Variants in PLXNA2 observed in about 807,000 individuals in gnomAD.
PLXNA2 encodes the protein plexin-A2.
PLXNA2 carries 91 observed loss-of-function variants against 193.5 expected under a neutral mutation model. The observed-to-expected ratio is 0.47, with a 90% CI of 0.40 to 0.56. PLXNA2 has a LOEUF of 0.56. Ranked by LOEUF, PLXNA2 falls within the 20% of genes least tolerant of loss-of-function variation. The probability of loss-of-function intolerance (pLI) is 0.00; values close to 1 mark genes in which losing one functional copy is unlikely to be tolerated. For missense variants in PLXNA2, 1,995 were observed against 2,503.2 expected (o/e 0.80, Z 4.33); for synonymous variants, 997 against 1,027.3 (o/e 0.97, Z 0.56).
intron 4 of PLXNA2, among the ~76,000 whole-genome samples, chr1:208,132,059 G>A (rs937202210): frequency 6.6e-6 from 1 of 152,198 alleles, no homozygotes; most frequent in African/African-American, 2.4e-5. Flanking sequence ...TTGGCTGGCT[G>A]CGCAGGAGAA....
In PLXNA2 at chr1:208,237,144, A is replaced by G. The variant is rs1464493176; in HGVS notation, c.-81+6499T>C. Among the ~76,000 whole-genome samples the G allele has an allele frequency of 2.0e-5, 3 of 152,116 alleles. No individual in the cohort carries two copies. In the East Asian group the frequency reaches 5.8e-4, roughly 29 times the overall value. On this transcript the variant is annotated intron_variant, in intron 1 of 31. Coordinates refer to ENST00000367033, the MANE Select transcript of PLXNA2 (RefSeq NM_025179.4). ...TTGAGTTGAAATCTTCATCCTCCTA[A>G]CCTTTCTCTATTAGTATCCCTCTAC...
intron 1 of PLXNA2, among the ~76,000 whole-genome samples, chr1:208,234,937 A>G (rs762033080): frequency 5.3e-5 from 8 of 152,172 alleles, no homozygotes; most frequent in Non-Finnish European, 7.4e-5. Flanking sequence ...CACATCCACT[A>G]TGTGGGCCTG....
chr1:208,089,441 T>C (rs10863694), intron 9 of PLXNA2, among the ~76,000 whole-genome samples: 36,456 of 152,196 alleles, frequency 0.24, 4,721 homozygotes, highest in Admixed American at 0.33. Flanking sequence ...CCGAAATTTT[T>C]AGCATTCTGG....
At position 208,080,157 on chromosome 1, in the gene PLXNA2, T is replaced by C. The variant is rs139651225; in HGVS notation, c.2396-707A>G. On this transcript the variant is annotated intron_variant, in intron 11 of 31. Transcript: ENST00000367033. ...GCATGGGTTTGAGACGGGAGTCAGC[T>C]TGGGGTTAAAGAAAGGCCAGGTGGC... 4.7e-4 allele frequency among the ~76,000 whole-genome samples: 71 copies of C among 152,192 alleles called. 1 individual carries two copies. The highest frequency in any genetic ancestry group is 1.6e-3 in the African/African-American group (67 of 41,530).
intron 3 of PLXNA2, among the ~76,000 whole-genome samples, chr1:208,151,637 T>C (rs562724161): frequency 6.6e-6 from 1 of 152,364 alleles, no homozygotes; most frequent in East Asian, 1.9e-4. Flanking sequence ...AACACATTTA[T>C]TGAGCATCTA....
intron 29 of PLXNA2, chr1:208,031,163 T>A: frequency 9.9e-7 from 1 of 1,005,914 alleles, no homozygotes; most frequent in Non-Finnish European, 1.2e-6. Context: ...GGATTCCCCA[T>A]CTCAGGAAGT....
chr1:208,231,212 T>G (rs1671681739), intron 1 of PLXNA2, among the ~76,000 whole-genome samples: 1 of 151,694 alleles, frequency 6.6e-6, no homozygotes, highest in Non-Finnish European at 1.5e-5. Context: ...AGGGTGGGAA[T>G]GGCAGGCCGG....
At chr1:208,181,744 A>T (rs186047855) in intron 3 of PLXNA2, among the ~76,000 whole-genome samples, 1 of 152,332 alleles carries the variant, frequency 6.6e-6, no homozygotes, top group East Asian at 1.9e-4. Flanking sequence ...GCCCGAGTTC[A>T]CTGTGAAGGT....
At position 208,216,988 on chromosome 1, in the gene PLXNA2, G is replaced by C. The variant is rs916696823; in HGVS notation, c.935C>G (p.Ala312Gly). ...RAGVEYRLLQ[A>G]AYLAKPGDSL... is the part of the protein sequence containing the mutation. Reference sequence around the variant, plus strand: ...GTCCCCAGGCTTGGCCAGGTAAGCAGCCTGCAGGAGGCGGTATTCCACCCC... The same window carrying C: ...GTCCCCAGGCTTGGCCAGGTAAGCACCCTGCAGGAGGCGGTATTCCACCCC... Residue 312 changes from alanine to glycine, a missense_variant, in exon 2 of 32, where the codon GCT becomes GGT. Ala to Gly is a moderately conservative substitution (Grantham distance 60). Coordinates refer to ENST00000367033, the MANE Select transcript of PLXNA2 (RefSeq NM_025179.4). 6.2e-7 allele frequency: 1 copy of C among 1,612,468 alleles called. No homozygotes were observed. Among genetic ancestry groups the C allele is most frequent in the African/African-American group, 1.3e-5 (1 of 74,906 alleles).
rs150352478 is a variant in PLXNA2 at position 208,092,123 on chromosome 1, A to C, written c.2097+663T>G. Among the ~76,000 whole-genome samples, 35 of 152,364 alleles carry C rather than the reference A, an allele frequency of 2.3e-4. 1 individual carries two copies. In the East Asian group the frequency reaches 6.4e-3, roughly 28 times the overall value. On this transcript the variant is annotated intron_variant, in intron 9 of 31. Transcript: ENST00000367033. ...ACATGCTATGAATATATAAGAAAGTAGACTTCAGTGAATAACCATTGAATG... is the reference window on the plus strand; with the variant it reads ...ACATGCTATGAATATATAAGAAAGTCGACTTCAGTGAATAACCATTGAATG...
rs2102355616 is a variant in PLXNA2 at position 208,026,699 on chromosome 1, C to G, written c.*544G>C. On this transcript the variant is annotated 3_prime_UTR_variant, in exon 32 of 32. Transcript: ENST00000367033. ...TCAAGGAAAAGGAGACAGTCATTTT[C>G]TCTCCAATGTCTCTCAGCATCTCTG... The G allele has an allele frequency of 7.1e-6, 1 of 141,268 alleles. No homozygotes were observed. The highest frequency in any genetic ancestry group is 1.5e-5 in the Non-Finnish European group (1 of 66,142). The allele number at this position is 141,268 out of a possible 1,614,324, so 8.8% of individuals were successfully genotyped here.
chr1:208,241,112 T>C (rs188730355), intron 1 of PLXNA2, among the ~76,000 whole-genome samples: 148 of 152,332 alleles, frequency 9.7e-4, no homozygotes, highest in South Asian at 2.5e-3. Context: ...TCCCCTCCTG[T>C]TCCTATGTTT....
At chr1:208,125,549 G>A (rs896834694) in intron 4 of PLXNA2, among the ~76,000 whole-genome samples, 3 of 152,178 alleles carry the variant, frequency 2.0e-5, no homozygotes, top group Non-Finnish European at 1.5e-5. Flanking sequence ...ATCTGGGCAT[G>A]CTCCAATTTG....
chr1:208,106,002 C>T (rs1381405692), intron 4 of PLXNA2, among the ~76,000 whole-genome samples: 1 of 152,056 alleles, frequency 6.6e-6, no homozygotes, highest in Admixed American at 6.5e-5. Flanking sequence ...ATAGTGAAAC[C>T]CTGTTCTTCT....
chr1:208,040,160 G>A lies in PLXNA2; in HGVS notation c.4287-102C>T, dbSNP rs999813820. 29 of 907,744 alleles carry A rather than the reference G, an allele frequency of 3.2e-5. 1 individual carries two copies. The highest frequency in any genetic ancestry group is 9.5e-5 in the Admixed American group (5 of 52,396). The allele number at this position is 907,744 out of a possible 1,614,324, so 56.2% of individuals were successfully genotyped here. ...TCTCCCAAGAGAACAATGGAGCATGGGAGAACGCAGGGCGGGAGTCAGGAC... is the reference window on the plus strand; with the variant it reads ...TCTCCCAAGAGAACAATGGAGCATGAGAGAACGCAGGGCGGGAGTCAGGAC... On this transcript the variant is annotated intron_variant, in intron 22 of 31. Coordinates refer to ENST00000367033, the MANE Select transcript of PLXNA2 (RefSeq NM_025179.4).
At chr1:208,122,097 A>T (rs1667824333) in intron 4 of PLXNA2, among the ~76,000 whole-genome samples, 1 of 152,208 alleles carries the variant, frequency 6.6e-6, no homozygotes, top group African/African-American at 2.4e-5. Context: ...ATTAAACAGG[A>T]GAGTTAAAAA....
At position 208,045,151 on chromosome 1, in the gene PLXNA2, G is replaced by A. The variant is rs769618624; in HGVS notation, c.3555C>T (p.Ile1185=). ...CGGTGACAGCACAAGGGGTCTCTCC[G>A]ATGAGCACAGTGTAGTTGAGTTTGG... The part of the protein sequence containing the change: ...GGAKLNYTVL[I]GETPCAVTVS... The change falls in exon 19 of 32, where the codon ATC becomes ATT. Residue 1185 remains isoleucine (I), a synonymous_variant. Coordinates refer to ENST00000367033, the MANE Select transcript of PLXNA2 (RefSeq NM_025179.4). The A allele has an allele frequency of 3.7e-6, 6 of 1,614,166 alleles. No individual in the cohort carries two copies. Among genetic ancestry groups the A allele is most frequent in the Non-Finnish European group, 5.1e-6 (6 of 1,180,010 alleles).
chr1:208,195,530 A>C (rs1365074519), intron 3 of PLXNA2, among the ~76,000 whole-genome samples: 2 of 151,614 alleles, frequency 1.3e-5, no homozygotes, highest in Non-Finnish European at 2.9e-5. Flanking sequence ...TTTATCTCCC[A>C]TTGTTTATGG....
intron 1 of PLXNA2, among the ~76,000 whole-genome samples, chr1:208,234,331 A>C (rs1671784695): frequency 1.3e-5 from 2 of 152,228 alleles, no homozygotes; most frequent in Admixed American, 1.3e-4. Flanking sequence ...TTTATTCTGC[A>C]GTTCAAACTC....
Sources: gnomAD v4.1 joint callset for allele counts (sites outside exome capture counted in the v4.1 genomes callset) on GRCh38, gnomAD v4.1.1 for gene constraint, MANE v1.5 for transcripts, NCBI Gene and HGNC (gene_info 2026-07-23, HGNC 2026-07-21) for gene names.